TM9SF2: variants seen among roughly 807,000 people sequenced by gnomAD.
The protein encoded by TM9SF2 is transmembrane 9 superfamily member 2.
A neutral mutation model predicts 84.9 loss-of-function variants in TM9SF2; 13 were observed. That is an observed-to-expected ratio of 0.15 (90% CI 0.10 to 0.24). The LOEUF (loss-of-function observed/expected upper bound fraction) is 0.24, where lower values mean the gene tolerates loss of function less well. Ranked by LOEUF, TM9SF2 falls within the 10% of genes least tolerant of loss-of-function variation. The pLI, the probability that TM9SF2 is intolerant of heterozygous loss-of-function variation, is 1.00. For synonymous variants in TM9SF2, 273 were observed against 285.8 expected (o/e 0.96, Z 0.45); for missense variants, 562 against 818.5 (o/e 0.69, Z 3.82).
At chr13:99,511,591 C>T (rs1200890601) in intron 1 of TM9SF2, among the ~76,000 whole-genome samples, 1 of 152,182 alleles carries the variant, frequency 6.6e-6, no homozygotes, top group East Asian at 1.9e-4. Flanking sequence ...TAATTGACTT[C>T]ACATTCCTCA....
At chr13:99,557,359 C>A (rs1313159382) in intron 15 of TM9SF2, among the ~76,000 whole-genome samples, 5 of 152,012 alleles carry the variant, frequency 3.3e-5, no homozygotes, top group African/African-American at 1.2e-4. Flanking sequence ...AAGTCCTTTG[C>A]CTATTTTTAA....
intron 9 of TM9SF2, 53 bp from the exon 10 acceptor site, chr13:99,543,810 A>G (rs1031893758): frequency 2.2e-5 from 35 of 1,596,240 alleles, no homozygotes; most frequent in Non-Finnish European, 2.9e-5. Flanking sequence ...AACTGTCTAT[A>G]GTTGTCTTGT....
intron 15 of TM9SF2, among the ~76,000 whole-genome samples, chr13:99,556,288 A>AATGG (rs1296426338): frequency 6.6e-6 from 1 of 152,238 alleles, no homozygotes; most frequent in Non-Finnish European, 1.5e-5. Flanking sequence ...TGGACAGTTT[A>AATGG]ATGGCACTTA....
At chr13:99,508,369 A>G (rs2046097350) in intron 1 of TM9SF2, among the ~76,000 whole-genome samples, 1 of 150,380 alleles carries the variant, frequency 6.6e-6, no homozygotes, top group Non-Finnish European at 1.5e-5. Context: ...GATGGTGAAT[A>G]AAGATGTTTA....
At chr13:99,502,062 G>GT (rs963217930) in intron 1 of TM9SF2, among the ~76,000 whole-genome samples, 3 of 152,238 alleles carry the variant, frequency 2.0e-5, no homozygotes, top group African/African-American at 7.2e-5. Flanking sequence ...CAGGGACCGT[G>GT]TGGAGCGCCC....
At chr13:99,536,883 C>A in intron 5 of TM9SF2, 146 bp downstream of exon 5, 2 of 835,162 alleles carry the variant, frequency 2.4e-6, no homozygotes, top group Non-Finnish European at 3.6e-6. Context: ...CTTAAACTTA[C>A]AGCAGATTAA....
At chr13:99,505,235 C>T (rs948260345) in intron 1 of TM9SF2, among the ~76,000 whole-genome samples, 4 of 151,626 alleles carry the variant, frequency 2.6e-5, no homozygotes, top group Non-Finnish European at 5.9e-5. Flanking sequence ...TCACTGTAAC[C>T]TCCACCTCCT....
At chr13:99,517,560 T>G in intron 1 of TM9SF2, 54 bp from the exon 2 acceptor site, 1 of 1,217,862 alleles carries the variant, frequency 8.2e-7, no homozygotes, top group Non-Finnish European at 1.2e-6. Flanking sequence ...AAGCATGACT[T>G]AAGGCTTTGT....
intron 1 of TM9SF2, among the ~76,000 whole-genome samples, chr13:99,514,476 A>G (rs981288756): frequency 2.6e-5 from 4 of 152,232 alleles, no homozygotes; most frequent in Admixed American, 6.5e-5. Flanking sequence ...GTGATGGACC[A>G]CACCATATAT....
intron 4 of TM9SF2, among the ~76,000 whole-genome samples, chr13:99,534,587 A>G (rs1402694954): frequency 2.0e-5 from 3 of 152,232 alleles, no homozygotes; most frequent in Admixed American, 1.3e-4. Context: ...TCTGATTAGA[A>G]ACTTTTGGAA....
intron 12 of TM9SF2, among the ~76,000 whole-genome samples, chr13:99,550,309 C>T (rs932775747): frequency 6.6e-6 from 1 of 152,216 alleles, no homozygotes; most frequent in Admixed American, 6.5e-5. Context: ...CCTTTCTTCT[C>T]ATTTTCTCAG....
chr13:99,553,109 C>T (rs1005592408), intron 13 of TM9SF2, among the ~76,000 whole-genome samples: 1 of 152,236 alleles, frequency 6.6e-6, no homozygotes, highest in African/African-American at 2.4e-5. Flanking sequence ...GCTGCCCACT[C>T]CTGCCCTCAG....
In TM9SF2 at chr13:99,528,525, TC is replaced by T. The variant is rs372641097; in HGVS notation, c.334-941del. On this transcript the variant is annotated intron_variant, in intron 3 of 16. Coordinates refer to ENST00000376387, the MANE Select transcript of TM9SF2 (RefSeq NM_004800.3). The stretch of plus-strand genomic sequence containing the variant: ...ATGAAGTGAGCACTGGATTGAGGTG[TC>T]AGATTTGCCATTTTGGTGTAATATT... Among the ~76,000 whole-genome samples, 55 of 152,366 alleles carry T rather than the reference TC, an allele frequency of 3.6e-4. 1 individual carries two copies. The East Asian group carries it at 0.01, about 28-fold the overall frequency.
intron 11 of TM9SF2, 136 bp downstream of exon 11, chr13:99,547,240 CT>C: frequency 7.9e-7 from 1 of 1,257,916 alleles, no homozygotes; most frequent in African/African-American, 1.5e-5. Context: ...TAAAAGGAGC[CT>C]GCTTGGTGAT....
intron 3 of TM9SF2, among the ~76,000 whole-genome samples, chr13:99,525,612 G>T (rs1354896816): frequency 6.7e-6 from 1 of 149,076 alleles, no homozygotes; most frequent in Non-Finnish European, 1.5e-5. Flanking sequence ...CTGGAGTGCA[G>T]TGGCGTGATC....
At chr13:99,538,367 T>G (rs547629222) in intron 6 of TM9SF2, among the ~76,000 whole-genome samples, 1 of 152,228 alleles carries the variant, frequency 6.6e-6, no homozygotes, top group African/African-American at 2.4e-5. Context: ...TATGAGATTT[T>G]TTTTTTAAAT....
intron 10 of TM9SF2, among the ~76,000 whole-genome samples, chr13:99,544,299 C>A (rs1196136723): frequency 1.3e-5 from 2 of 150,850 alleles, no homozygotes; most frequent in Non-Finnish European, 2.9e-5. Context: ...ACTGAGATTG[C>A]GCCACTGCAC....
intron 3 of TM9SF2, among the ~76,000 whole-genome samples, chr13:99,521,240 C>T (rs932520542): frequency 2.0e-5 from 3 of 152,190 alleles, no homozygotes; most frequent in Non-Finnish European, 2.9e-5. Context: ...AATTTTCATA[C>T]ACCTATAAGC....
intron 5 of TM9SF2, among the ~76,000 whole-genome samples, chr13:99,537,321 T>C (rs1566569318): frequency 6.6e-6 from 1 of 152,222 alleles, no homozygotes; most frequent in African/African-American, 2.4e-5. Flanking sequence ...TATCAGTTAG[T>C]GCTTTTGTGA....
Sources: allele counts gnomAD v4.1 joint callset (sites outside exome capture counted in the v4.1 genomes callset), GRCh38; gene constraint gnomAD v4.1.1; transcripts MANE v1.5; gene names NCBI Gene and HGNC (gene_info 2026-07-23, HGNC 2026-07-21).